NALF1: variants seen among roughly 807,000 people sequenced by gnomAD.
NALF1 encodes family with sequence similarity 155 member A.
In NALF1, 3 loss-of-function variants were observed where a neutral mutation model predicts 48.4. The observed-to-expected ratio is 0.06, with a 90% CI of 0.03 to 0.16. The LOEUF is 0.16. Among genes scored for constraint, NALF1 ranks in the 10% least tolerant of loss-of-function variants. The pLI, the probability that NALF1 is intolerant of heterozygous loss-of-function variation, is 1.00. For missense variants in NALF1, 526 were observed against 571.5 expected, an observed-to-expected ratio of 0.92 and a Z score of 0.81; for synonymous variants, 262 against 245.7, an observed-to-expected ratio of 1.07 and a Z score of -0.62.
chr13:107,468,662 T>C (rs911849151), intron 1 of NALF1, among the ~76,000 whole-genome samples: 1 of 152,252 alleles, frequency 6.6e-6, no homozygotes, highest in Non-Finnish European at 1.5e-5. Flanking sequence ...AAAATTATTA[T>C]GTAACAAACA....
At chr13:107,323,191 AT>A (rs1461295865) in intron 1 of NALF1, among the ~76,000 whole-genome samples, 3 of 152,106 alleles carry the variant, frequency 2.0e-5, no homozygotes, top group Admixed American at 6.6e-5. Flanking sequence ...TCTCCACAAA[AT>A]TGCAAATGCT....
intron 1 of NALF1, among the ~76,000 whole-genome samples, chr13:107,414,781 T>C (rs1467145774): frequency 6.6e-6 from 1 of 151,484 alleles, no homozygotes; most frequent in African/African-American, 2.4e-5. Flanking sequence ...GATCATGAAG[T>C]TTCTGTAAAA....
At chr13:107,573,115 G>A (rs1878035754) in intron 1 of NALF1, among the ~76,000 whole-genome samples, 1 of 152,048 alleles carries the variant, frequency 6.6e-6, no homozygotes, top group Non-Finnish European at 1.5e-5. Flanking sequence ...TCTGTGAAAC[G>A]ACCTCCCTGT....
intron 1 of NALF1, among the ~76,000 whole-genome samples, chr13:107,461,520 T>C (rs994019772): frequency 2.0e-5 from 3 of 152,318 alleles, no homozygotes; most frequent in South Asian, 2.1e-4. Flanking sequence ...ACTCTCTATA[T>C]AAATTCTCTA....
chr13:107,769,042 AGGTGCTG>A (rs1178348863), intron 1 of NALF1, among the ~76,000 whole-genome samples: 1 of 150,996 alleles, frequency 6.6e-6, no homozygotes, highest in Non-Finnish European at 1.5e-5. Flanking sequence ...AGGAAACAAC[AGGTGCTG>A]GAGAGGATGT....
intron 1 of NALF1, among the ~76,000 whole-genome samples, chr13:107,601,917 C>A (rs1341968114): frequency 6.6e-6 from 1 of 151,932 alleles, no homozygotes; most frequent in Non-Finnish European, 1.5e-5. Context: ...CTTCCTTTTC[C>A]TTCTATTTCT....
chr13:107,537,091 G>A (rs145671227), intron 1 of NALF1, among the ~76,000 whole-genome samples: 1 of 152,228 alleles, frequency 6.6e-6, no homozygotes, highest in Non-Finnish European at 1.5e-5. Flanking sequence ...GGGGTGGGAG[G>A]AGTGGGGAGG....
rs56245128 is a variant in NALF1, at chr13:107,519,364, GAAA to G, written c.916-308612_916-308610del. ...ACTGTATCAGAGGATCCGGGAGGAG[GAAA>G]AAAAAAAAAACTTTTCAAAGAAAAC... On this transcript the variant is annotated intron_variant, in intron 1 of 2. Transcript: ENST00000375915. Among the ~76,000 whole-genome samples the G allele has an allele frequency of 4.5e-3, 674 of 148,936 alleles. 7 individuals are homozygous for G. Among genetic ancestry groups the G allele is most frequent in the African/African-American group, 0.015 (604 of 40,162 alleles).
At chr13:107,419,717 T>C (rs979350974) in intron 1 of NALF1, among the ~76,000 whole-genome samples, 1 of 152,210 alleles carries the variant, frequency 6.6e-6, no homozygotes, top group African/African-American at 2.4e-5. Flanking sequence ...GCATGATGTA[T>C]GAAATATTAA....
chr13:107,829,099 G>A (rs1242500733), intron 1 of NALF1, among the ~76,000 whole-genome samples: 2 of 152,142 alleles, frequency 1.3e-5, no homozygotes, highest in Non-Finnish European at 2.9e-5. Flanking sequence ...ATGAGCAAAA[G>A]TAGACAAGCA....
At chr13:107,658,290 C>G (rs1378946740) in intron 1 of NALF1, among the ~76,000 whole-genome samples, 5 of 152,102 alleles carry the variant, frequency 3.3e-5, no homozygotes, top group African/African-American at 4.8e-5. Context: ...TCTCTCCTCT[C>G]TCTTGCAACA....
At chr13:107,203,199 C>T (rs144588109) in intron 2 of NALF1, among the ~76,000 whole-genome samples, 3 of 152,326 alleles carry the variant, frequency 2.0e-5, no homozygotes, top group African/African-American at 7.2e-5. Flanking sequence ...CTCACTTGGC[C>T]ATATTCTTCC....
chr13:107,550,914 C>T (rs78877505), intron 1 of NALF1, among the ~76,000 whole-genome samples: 1 of 149,492 alleles, frequency 6.7e-6, no homozygotes, highest in Non-Finnish European at 1.5e-5. Flanking sequence ...AAAAAAAAAA[C>T]TTATTGTTTG....
chr13:107,467,931 C>T (rs1351287046), intron 1 of NALF1, among the ~76,000 whole-genome samples: 1 of 151,784 alleles, frequency 6.6e-6, no homozygotes, highest in Non-Finnish European at 1.5e-5. Context: ...GCCTGTAGTC[C>T]CAGCTACTCG....
At chr13:107,418,148 T>C (rs1352492387) in intron 1 of NALF1, among the ~76,000 whole-genome samples, 1 of 152,156 alleles carries the variant, frequency 6.6e-6, no homozygotes, top group Non-Finnish European at 1.5e-5. Flanking sequence ...TCTCTACGAG[T>C]TTGGCCCAGT....
At chr13:107,860,836 T>A (rs1289415596) in intron 1 of NALF1, among the ~76,000 whole-genome samples, 1 of 152,228 alleles carries the variant, frequency 6.6e-6, no homozygotes, top group Non-Finnish European at 1.5e-5. Context: ...GAATTATGAT[T>A]TACATGTGGA....
At chr13:107,421,078 T>G (rs762418417) in intron 1 of NALF1, among the ~76,000 whole-genome samples, 16 of 152,194 alleles carry the variant, frequency 1.1e-4, no homozygotes, top group Non-Finnish European at 1.9e-4. Flanking sequence ...GCACTTCAAA[T>G]ATGGAAAGAA....
At chr13:107,608,084 T>G (rs1879120017) in intron 1 of NALF1, among the ~76,000 whole-genome samples, 1 of 152,200 alleles carries the variant, frequency 6.6e-6, no homozygotes, top group Admixed American at 6.5e-5. Context: ...TAAGGTGTAA[T>G]TTCTCTCCCT....
intron 1 of NALF1, among the ~76,000 whole-genome samples, chr13:107,488,517 A>G (rs559369035): frequency 1.1e-4 from 16 of 152,298 alleles, no homozygotes; most frequent in South Asian, 4.1e-4. Flanking sequence ...CTGAAGACAA[A>G]AAAACCACAT....
Sources: gnomAD v4.1 joint callset for allele counts (sites outside exome capture counted in the v4.1 genomes callset) on GRCh38, gnomAD v4.1.1 for gene constraint, MANE v1.5 for transcripts, NCBI Gene and HGNC (gene_info 2026-07-23, HGNC 2026-07-21) for gene names.